The following MARCHF4 variants were observed in gnomAD, a reference collection of about 807,000 sequenced individuals.
MARCHF4 encodes membrane associated ring-CH-type finger 4.
Under a neutral mutation model 43.9 loss-of-function variants are expected in MARCHF4, and 14 were observed. The observed-to-expected ratio is 0.32, with a 90% CI of 0.21 to 0.50. The LOEUF is 0.50. Among genes scored for constraint, MARCHF4 ranks in the 20% least tolerant of loss-of-function variants. MARCHF4 has a pLI of 0.98. For synonymous variants in MARCHF4, 226 were observed against 213.3 expected (o/e 1.06, Z -0.52); for missense variants, 468 against 536.7 (o/e 0.87, Z 1.27).
intron 2 of MARCHF4, among the ~76,000 whole-genome samples, chr2:216,281,397 G>C (rs1691125460): frequency 6.6e-6 from 1 of 152,210 alleles, no homozygotes; most frequent in South Asian, 2.1e-4. Flanking sequence ...GCATGAACCA[G>C]GAGGTAAGAG....
At chr2:216,276,997 CT>C (rs1447447991) in intron 3 of MARCHF4, among the ~76,000 whole-genome samples, 1 of 151,974 alleles carries the variant, frequency 6.6e-6, no homozygotes, top group Non-Finnish European at 1.5e-5. Flanking sequence ...ACACTGAAAC[CT>C]TTTAAACGAA....
intron 1 of MARCHF4, among the ~76,000 whole-genome samples, chr2:216,284,819 G>A (rs1317269874): frequency 6.6e-6 from 1 of 152,116 alleles, no homozygotes; most frequent in Non-Finnish European, 1.5e-5. Context: ...ATCTCATTGT[G>A]GCCTGGCTGA....
At chr2:216,365,712 C>A (rs942488587) in intron 1 of MARCHF4, among the ~76,000 whole-genome samples, 1 of 152,178 alleles carries the variant, frequency 6.6e-6, no homozygotes, top group African/African-American at 2.4e-5. Flanking sequence ...AGTAGGCACC[C>A]CGCCCACTAG....
At chr2:216,277,114 C>A (rs1691037831) in intron 3 of MARCHF4, among the ~76,000 whole-genome samples, 1 of 152,122 alleles carries the variant, frequency 6.6e-6, no homozygotes, top group Non-Finnish European at 1.5e-5. Flanking sequence ...CTTTTCCATT[C>A]CCTGGTGGGA....
intron 3 of MARCHF4, among the ~76,000 whole-genome samples, chr2:216,276,303 G>A (rs1691020533): frequency 6.6e-6 from 1 of 152,144 alleles, no homozygotes; most frequent in African/African-American, 2.4e-5. Flanking sequence ...CCAGGGCTCA[G>A]CAGGAGTAGG....
At chr2:216,305,002 G>A (rs1350930713) in intron 1 of MARCHF4, among the ~76,000 whole-genome samples, 1 of 152,014 alleles carries the variant, frequency 6.6e-6, no homozygotes, top group Non-Finnish European at 1.5e-5. Flanking sequence ...ATTCAATTCA[G>A]CATGCAAGCA....
intron 1 of MARCHF4, among the ~76,000 whole-genome samples, chr2:216,320,675 C>CTTTCTTTCTT (rs747734983): frequency 3.0e-5 from 1 of 33,098 alleles, no homozygotes; most frequent in Non-Finnish European, 5.7e-5. Context: ...TTCTTTCTTT[C>CTTTCTTTCTT]TTTTTTTTTT....
rs75826647 is a variant in MARCHF4, at chr2:216,275,814, A to G, written c.865+1858T>C. 3.4e-3 allele frequency among the ~76,000 whole-genome samples: 522 copies of G among 152,230 alleles called. 1 individual carries two copies. The highest frequency in any genetic ancestry group is 5.3e-3 in the Non-Finnish European group (363 of 68,006). The stretch of plus-strand genomic sequence containing the variant: ...CCAATAGGCTGTGGGCAGAAGGGAG[A>G]GTGCACTAGTTCTGAGCAGGCGTTT... On this transcript the variant is annotated intron_variant, in intron 3 of 3. Transcript: ENST00000273067.
intron 1 of MARCHF4, among the ~76,000 whole-genome samples, chr2:216,329,255 C>G (rs1443829523): frequency 6.6e-6 from 1 of 152,064 alleles, no homozygotes; most frequent in African/African-American, 2.4e-5. Context: ...GTGGCGGGCA[C>G]CTGTAGTCCC....
chr2:216,335,076 C>CTA (rs1163668952), intron 1 of MARCHF4, among the ~76,000 whole-genome samples: 1 of 152,120 alleles, frequency 6.6e-6, no homozygotes, highest in African/African-American at 2.4e-5. Context: ...TTCAGAAAAT[C>CTA]TATATAGCTC....
intron 1 of MARCHF4, among the ~76,000 whole-genome samples, chr2:216,324,390 G>A (rs199759656): frequency 0.11 from 16,803 of 148,670 alleles, 975 homozygotes; most frequent in Middle Eastern, 0.17. Context: ...AGAGGTACAA[G>A]GAGGAACTGG....
chr2:216,342,738 T>G (rs1390102779), intron 1 of MARCHF4, among the ~76,000 whole-genome samples: 1 of 152,164 alleles, frequency 6.6e-6, no homozygotes, highest in Non-Finnish European at 1.5e-5. Flanking sequence ...AAGGCCCACA[T>G]GCCACCTTCT....
chr2:216,368,493 T>C (rs1327661089), intron 1 of MARCHF4, among the ~76,000 whole-genome samples: 1 of 152,226 alleles, frequency 6.6e-6, no homozygotes, highest in Non-Finnish European at 1.5e-5. Flanking sequence ...AATTCCAAGC[T>C]GTAGCTCCAG....
chr2:216,303,077 T>A (rs1691519448), intron 1 of MARCHF4, among the ~76,000 whole-genome samples: 1 of 152,094 alleles, frequency 6.6e-6, no homozygotes, highest in African/African-American at 2.4e-5. Flanking sequence ...GAATAAAACA[T>A]CCTGGTTTAA....
intron 2 of MARCHF4, among the ~76,000 whole-genome samples, chr2:216,281,446 C>T (rs1373872467): frequency 6.6e-6 from 1 of 152,188 alleles, no homozygotes; most frequent in Admixed American, 6.5e-5. Context: ...TCTCTGATAG[C>T]AGAGGCAGGC....
chr2:216,318,027 G>A (rs374938868), intron 1 of MARCHF4: 10 of 152,232 alleles, frequency 6.6e-5, no homozygotes, highest in African/African-American at 2.4e-4. Context: ...TTAGATACAA[G>A]CTGTGGAAAT....
At chr2:216,264,979 AT>A (rs1044297496) in intron 3 of MARCHF4, among the ~76,000 whole-genome samples, 1 of 152,112 alleles carries the variant, frequency 6.6e-6, no homozygotes, top group African/African-American at 2.4e-5. Context: ...TTTCTTATTG[AT>A]TTCTTGGGTG....
At chr2:216,310,145 G>A (rs1320524802) in intron 1 of MARCHF4, among the ~76,000 whole-genome samples, 1 of 152,212 alleles carries the variant, frequency 6.6e-6, no homozygotes, top group Non-Finnish European at 1.5e-5. Context: ...GTGGTGCCAG[G>A]CGCCTCTCAA....
intron 1 of MARCHF4, among the ~76,000 whole-genome samples, chr2:216,329,952 T>C (rs1453317107): frequency 6.6e-6 from 1 of 151,860 alleles, no homozygotes; most frequent in African/African-American, 2.4e-5. Flanking sequence ...GGTGTGGTGA[T>C]GCACACCTGT....
Sources: gnomAD v4.1 joint callset for allele counts (sites outside exome capture counted in the v4.1 genomes callset) on GRCh38, gnomAD v4.1.1 for gene constraint, MANE v1.5 for transcripts, NCBI Gene and HGNC (gene_info 2026-07-23, HGNC 2026-07-21) for gene names.